Variants in GGA2 observed in about 807,000 individuals in gnomAD.
GGA2 encodes golgi associated, gamma adaptin ear containing, ARF binding protein 2.
GGA2 carries 48 observed loss-of-function variants against 79.5 expected under a neutral mutation model. The ratio of observed to expected loss-of-function variants is 0.60; its 90% confidence interval spans 0.48 to 0.77. The LOEUF is 0.77. GGA2 is among the 30% of genes least tolerant of loss of function. GGA2 has a pLI of 0.00. For missense variants in GGA2, 770 were observed against 774.0 expected, an observed-to-expected ratio of 0.99 and a Z score of 0.06; for synonymous variants, 317 against 302.0, an observed-to-expected ratio of 1.05 and a Z score of -0.51.
At chr16:23,515,573 C>CAAAAAAAA (rs57148954) in intron 2 of GGA2, among the ~76,000 whole-genome samples, 1 of 111,466 alleles carries the variant, frequency 9.0e-6, no homozygotes, top group Non-Finnish European at 1.8e-5. Context: ...CTCCAGCCTG[C>CAAAAAAAA]AAAAAAAAAA....
At chr16:23,490,835 A>C (rs1177013698) in intron 5 of GGA2, among the ~76,000 whole-genome samples, 1 of 152,112 alleles carries the variant, frequency 6.6e-6, no homozygotes. Flanking sequence ...GCACGTTGTT[A>C]CTTTTATCAC....
At chr16:23,479,009 G>A (rs756933225) in intron 11 of GGA2, 98 bp from the exon 12 acceptor site, 12 of 879,494 alleles carry the variant, frequency 1.4e-5, no homozygotes, top group Non-Finnish European at 2.3e-5. Context: ...CATCCAGAAA[G>A]TCTAGACAAA....
intron 7 of GGA2, 43 bp from the exon 8 acceptor site, chr16:23,486,195 C>T: frequency 1.3e-6 from 2 of 1,597,370 alleles, no homozygotes; most frequent in Non-Finnish European, 8.6e-7. Context: ...GAGCAGAAAC[C>T]CTGGCTGAAG....
At chr16:23,502,450 A>G (rs28709586) in intron 1 of GGA2, among the ~76,000 whole-genome samples, 339 of 152,364 alleles carry the variant, frequency 2.2e-3, no homozygotes, top group African/African-American at 7.8e-3. Context: ...AAAGAGGAAC[A>G]TCTGGGTTCA....
intron 3 of GGA2, chr16:23,493,935 C>T: frequency 6.4e-6 from 2 of 312,614 alleles, no homozygotes; most frequent in South Asian, 8.8e-5. Flanking sequence ...TATACAAAGA[C>T]CTAAACTAGC....
At chr16:23,504,471 G>A (rs753060591) in intron 1 of GGA2, among the ~76,000 whole-genome samples, 36 of 152,236 alleles carry the variant, frequency 2.4e-4, no homozygotes, top group Non-Finnish European at 4.4e-4. Context: ...ACAGTGTTTG[G>A]CCAGCTGGCT....
At chr16:23,483,603 C>T (rs932720435) in intron 8 of GGA2, among the ~76,000 whole-genome samples, 3 of 152,072 alleles carry the variant, frequency 2.0e-5, no homozygotes, top group Non-Finnish European at 4.4e-5. Flanking sequence ...ATGGCTGCCT[C>T]GAACCTGGCA....
intron 1 of GGA2, among the ~76,000 whole-genome samples, chr16:23,496,206 G>A (rs1210072090): frequency 6.7e-6 from 1 of 150,242 alleles, no homozygotes; most frequent in Non-Finnish European, 1.5e-5. Flanking sequence ...GGGAGGCTGA[G>A]GCAGGAGAAT....
At chr16:23,501,225 CT>C (rs1964918305) in intron 1 of GGA2, 1 of 450,158 alleles carries the variant, frequency 2.2e-6, no homozygotes, top group Non-Finnish European at 4.5e-6. Context: ...GCAATCGTAG[CT>C]TTGGTGTACA....
chr16:23,480,599 A>T, intron 10 of GGA2, 46 bp downstream of exon 10: 1 of 1,549,232 alleles, frequency 6.5e-7, no homozygotes, highest in Non-Finnish European at 8.9e-7. Context: ...TGGGAATTAC[A>T]GGCTGCCCCA....
chr16:23,494,008 C>T, intron 3 of GGA2: 1 of 444,246 alleles, frequency 2.3e-6, no homozygotes, highest in East Asian at 4.1e-5. Context: ...ACTGCCCTCT[C>T]TAGAAAAGGC....
chr16:23,467,697 G>A lies in GGA2; in HGVS notation c.1735C>T (p.Pro579Ser), dbSNP rs1453960010. Residue 579 changes from proline (P) to serine (S), a missense_variant, in exon 17 of 17, where the codon CCT becomes TCT. By Grantham distance (74) the Pro-to-Ser change is moderately conservative (BLOSUM62 -1). Transcript: ENST00000309859. ...GTCAGCTTGTACCGTAAGCGGATAG[G>A]TTCCTGGGACAGAAGAGACAGAAGA... ...MLLLDNPHKEPIRLRYKLTFN... is the reference protein window; with the variant it reads ...MLLLDNPHKESIRLRYKLTFN... The A allele has an allele frequency of 6.5e-7, 1 of 1,536,658 alleles. No homozygotes were observed. Among genetic ancestry groups the A allele is most frequent in the Non-Finnish European group, 9.0e-7 (1 of 1,109,402 alleles).
intron 8 of GGA2, among the ~76,000 whole-genome samples, chr16:23,484,539 G>A (rs949251344): frequency 1.3e-5 from 2 of 152,116 alleles, no homozygotes; most frequent in Non-Finnish European, 1.5e-5. Context: ...TATAAAAAAC[G>A]CTTGTAACTC....
intron 4 of GGA2, among the ~76,000 whole-genome samples, chr16:23,493,068 T>C (rs1461857557): frequency 1.3e-5 from 2 of 152,162 alleles, no homozygotes; most frequent in Non-Finnish European, 2.9e-5. Context: ...CTGGGATCTC[T>C]CACTGTCTCT....
chr16:23,488,845 C>T (rs1596986863), intron 5 of GGA2, 136 bp from the exon 6 acceptor site: 1 of 607,656 alleles, frequency 1.6e-6, no homozygotes, highest in Non-Finnish European at 2.9e-6. Flanking sequence ...TCAAAGACAA[C>T]ACCCAGTGTA....
At chr16:23,469,394 C>T (rs1964482431) in intron 15 of GGA2, 1 of 187,156 alleles carries the variant, frequency 5.3e-6, no homozygotes, top group Non-Finnish European at 1.2e-5. Flanking sequence ...CATAGGACTA[C>T]CGTAAGAAGT....
At chr16:23,478,628 G>A (rs778124892) in intron 12 of GGA2, 127 bp from the exon 13 acceptor site, 1 of 934,666 alleles carries the variant, frequency 1.1e-6, no homozygotes, top group Non-Finnish European at 1.7e-6. Context: ...ATCTCTTGGG[G>A]CAAGAGGGGA....
intron 4 of GGA2, 108 bp from the exon 5 acceptor site, chr16:23,491,908 C>T (rs1323844722): frequency 4.2e-6 from 3 of 708,326 alleles, no homozygotes; most frequent in East Asian, 2.8e-5. Flanking sequence ...CTCCCAGGCG[C>T]GGTATGAGTG....
At chr16:23,518,889 A>G (rs1454699779) in intron 2 of GGA2, among the ~76,000 whole-genome samples, 1 of 152,184 alleles carries the variant, frequency 6.6e-6, no homozygotes, top group African/African-American at 2.4e-5. Context: ...CCATAATCTC[A>G]TATTCTTTTG....
Sources: allele counts gnomAD v4.1 joint callset (sites outside exome capture counted in the v4.1 genomes callset), GRCh38; gene constraint gnomAD v4.1.1; transcripts MANE v1.5; gene names NCBI Gene and HGNC (gene_info 2026-07-23, HGNC 2026-07-21).